The following CRACD variants were observed in gnomAD, a reference collection of about 807,000 sequenced individuals.
The protein encoded by CRACD is capping protein-inhibiting regulator of actin dynamics.
Under a neutral mutation model 106.8 loss-of-function variants are expected in CRACD, and 56 were observed. The ratio of observed to expected loss-of-function variants is 0.52; its 90% CI spans 0.42 to 0.66. The LOEUF is 0.66. Ranked by LOEUF, CRACD falls within the 30% of genes least tolerant of loss-of-function variation. CRACD has a pLI of 0.00. For missense variants in CRACD, 1,730 were observed against 1,623.2 expected (o/e 1.07, Z -1.13); for synonymous variants, 754 against 670.8 (o/e 1.12, Z -1.92).
At chr4:56,102,976 A>G (rs1157994673) in intron 1 of CRACD, among the ~76,000 whole-genome samples, 1 of 152,136 alleles carries the variant, frequency 6.6e-6, no homozygotes, top group African/African-American at 2.4e-5. Flanking sequence ...CACAGTTGCA[A>G]GTTTACGTTG....
At chr4:56,282,757 A>G (rs1743102878) in intron 3 of CRACD, among the ~76,000 whole-genome samples, 1 of 152,218 alleles carries the variant, frequency 6.6e-6, no homozygotes. Flanking sequence ...AAGACCACAG[A>G]CAGAAAGAAG....
intron 2 of CRACD, among the ~76,000 whole-genome samples, chr4:56,180,474 G>A (rs1263927861): frequency 6.6e-6 from 1 of 151,346 alleles, no homozygotes; most frequent in African/African-American, 2.4e-5. Flanking sequence ...GGGTGACAGT[G>A]CAAGACTCCA....
intron 2 of CRACD, among the ~76,000 whole-genome samples, chr4:56,222,615 A>AT (rs1455415001): frequency 6.6e-6 from 1 of 152,128 alleles, no homozygotes; most frequent in Non-Finnish European, 1.5e-5. Flanking sequence ...TTAACTTTGA[A>AT]TTTTTTCACC....
rs754130793 is a variant in CRACD, at chr4:56,315,189, G to T, written c.1687G>T (p.Asp563Tyr). 61 of 1,595,660 alleles carry T rather than the reference G, an allele frequency of 3.8e-5. No homozygotes were observed. The highest frequency in any genetic ancestry group is 7.1e-5 in the Admixed American group (4 of 56,042). The part of the protein sequence containing the change: ...VNLSPVTPAK[D>Y]TGLTAAPQEP... ...CCTGAGCCCCGTGACGCCCGCAAAGGACACGGGGCTCACCGCTGCTCCCCA... is the reference window on the plus strand; with the variant it reads ...CCTGAGCCCCGTGACGCCCGCAAAGTACACGGGGCTCACCGCTGCTCCCCA... Residue 563 changes from aspartate (D) to tyrosine (Y), a missense_variant, in exon 8 of 11, where the codon GAC becomes TAC. Transcript: ENST00000682029. This position sits in a 1 kb window ranked among gnomAD's most constrained non-coding sequence, Gnocchi z 4.1.
chr4:56,094,412 A>G (rs1337641526), intron 1 of CRACD, among the ~76,000 whole-genome samples: 1 of 149,714 alleles, frequency 6.7e-6, no homozygotes, highest in Non-Finnish European at 1.5e-5. Flanking sequence ...CCATAGTTTC[A>G]TATAGATTCT....
At chr4:56,239,809 T>G (rs907732786) in intron 2 of CRACD, among the ~76,000 whole-genome samples, 1 of 152,154 alleles carries the variant, frequency 6.6e-6, no homozygotes, top group African/African-American at 2.4e-5. Flanking sequence ...CAGACTCTTA[T>G]GTGTTAACAC....
At chr4:56,138,148 T>C (rs938244504) in intron 1 of CRACD, among the ~76,000 whole-genome samples, 4 of 151,812 alleles carry the variant, frequency 2.6e-5, no homozygotes, top group Non-Finnish European at 5.9e-5. Flanking sequence ...AAACAGGAGA[T>C]AGATGGGATG....
At chr4:56,217,615 G>C (rs1188399832) in intron 2 of CRACD, among the ~76,000 whole-genome samples, 1 of 152,208 alleles carries the variant, frequency 6.6e-6, no homozygotes, top group Non-Finnish European at 1.5e-5. Context: ...AGGCTTCAGA[G>C]AGAATAGATT....
At chr4:56,200,875 G>T (rs913393380) in intron 2 of CRACD, among the ~76,000 whole-genome samples, 1 of 152,092 alleles carries the variant, frequency 6.6e-6, no homozygotes, top group Admixed American at 6.6e-5. Context: ...TTAAAGTTTT[G>T]TAATTCCGTG....
rs574755190 is a variant in CRACD, at chr4:56,280,936, G to A, written c.-17+8444G>A. 2.6e-3 allele frequency among the ~76,000 whole-genome samples: 394 copies of A among 152,302 alleles called. 12 individuals carry two copies. The highest frequency in any genetic ancestry group is 4.3e-3 in the Admixed American group (65 of 15,284). On this transcript the variant is annotated intron_variant, in intron 3 of 10. Transcript: ENST00000682029. ...CTTGACTGTTTATCCTCTATCCTTA[G>A]GAAGCTGGGATGTGCTGAAATTGAA...
At chr4:56,325,025 A>T (rs1234790376) in intron 10 of CRACD, among the ~76,000 whole-genome samples, 2 of 152,206 alleles carry the variant, frequency 1.3e-5, no homozygotes, top group East Asian at 3.8e-4. Flanking sequence ...TATCAATTTT[A>T]AAAATACAGA....
intron 2 of CRACD, among the ~76,000 whole-genome samples, chr4:56,234,743 G>T (rs1217074571): frequency 6.6e-6 from 1 of 152,144 alleles, no homozygotes; most frequent in Non-Finnish European, 1.5e-5. Context: ...AGCCTTAGTG[G>T]TACTAGAAAT....
intron 1 of CRACD, among the ~76,000 whole-genome samples, chr4:56,147,507 A>G (rs1462853670): frequency 6.6e-6 from 1 of 152,172 alleles, no homozygotes; most frequent in Non-Finnish European, 1.5e-5. Flanking sequence ...GACATTTTAT[A>G]TAAATGGGAT....
At chr4:56,271,072 T>G (rs1409786972) in intron 2 of CRACD, among the ~76,000 whole-genome samples, 1 of 145,450 alleles carries the variant, frequency 6.9e-6, no homozygotes, top group East Asian at 2.0e-4. Flanking sequence ...GCCATTGCAC[T>G]CCAGCTTGGG....
chr4:56,207,978 G>A (rs1738213690), intron 2 of CRACD, among the ~76,000 whole-genome samples: 2 of 150,022 alleles, frequency 1.3e-5, no homozygotes, highest in Non-Finnish European at 1.5e-5. Flanking sequence ...CACCATGCCT[G>A]GTTAATTAAT....
chr4:56,319,527 C>T lies in CRACD; in HGVS notation c.3187+2838C>T, dbSNP rs145189370. Among the ~76,000 whole-genome samples the T allele has an allele frequency of 2.0e-4, 31 of 151,950 alleles. 1 individual carries two copies. In the East Asian group the frequency reaches 5.6e-3, roughly 28 times the overall value. ...GCTGAGGTGGGAGGATTGCTTGAGCCTAGTAGGTCGAGGCTACAGTGAGCT... is the reference window on the plus strand; with the variant it reads ...GCTGAGGTGGGAGGATTGCTTGAGCTTAGTAGGTCGAGGCTACAGTGAGCT... On this transcript the variant is annotated intron_variant, in intron 8 of 10. Transcript: ENST00000682029.
intron 3 of CRACD, among the ~76,000 whole-genome samples, chr4:56,277,929 G>A (rs987425388): frequency 2.6e-5 from 4 of 152,074 alleles, no homozygotes; most frequent in Non-Finnish European, 5.9e-5. Flanking sequence ...AAGAATAAAC[G>A]ACTTAGGAAT....
At chr4:56,171,326 A>T (rs1250192650) in intron 1 of CRACD, among the ~76,000 whole-genome samples, 1 of 152,190 alleles carries the variant, frequency 6.6e-6, no homozygotes, top group African/African-American at 2.4e-5. Flanking sequence ...CTTACTGTGA[A>T]TAGTTATCAG....
intron 1 of CRACD, among the ~76,000 whole-genome samples, chr4:56,149,307 A>T (rs1401817430): frequency 6.6e-6 from 1 of 152,180 alleles, no homozygotes; most frequent in African/African-American, 2.4e-5. Flanking sequence ...AAAACTGATT[A>T]GAGTTAAATA....
Sources: allele counts gnomAD v4.1 joint callset (sites outside exome capture counted in the v4.1 genomes callset), GRCh38; gene constraint gnomAD v4.1.1; non-coding constraint Gnocchi (gnomAD v3.1); transcripts MANE v1.5; gene names NCBI Gene and HGNC (gene_info 2026-07-23, HGNC 2026-07-21).